The following TENM2 variants were observed in gnomAD, a reference collection of about 807,000 sequenced individuals.
TENM2 encodes teneurin transmembrane protein 2.
In TENM2, 52 loss-of-function variants were observed where a neutral mutation model predicts 245.2. That is an observed-to-expected ratio of 0.21 (90% CI 0.17 to 0.27). The LOEUF (loss-of-function observed/expected upper bound fraction) is 0.27, where lower values mean the gene tolerates loss of function less well. Among genes scored for constraint, TENM2 ranks in the 10% least tolerant of loss-of-function variants. TENM2 has a pLI of 1.00. For missense variants in TENM2, 3,046 were observed against 3,666.8 expected, an observed-to-expected ratio of 0.83 and a Z score of 4.37; for synonymous variants, 1,363 against 1,438.9, an observed-to-expected ratio of 0.95 and a Z score of 1.19.
chr5:167,642,155 A>AT (rs1491090022), intron 2 of TENM2, among the ~76,000 whole-genome samples: 22 of 150,028 alleles, frequency 1.5e-4, no homozygotes, highest in Middle Eastern at 3.4e-3. Flanking sequence ...AAAAAAAAAA[A>AT]ATATGTATAT....
chr5:167,847,801 A>C (rs1770185198), intron 2 of TENM2, among the ~76,000 whole-genome samples: 1 of 152,218 alleles, frequency 6.6e-6, no homozygotes, highest in South Asian at 2.1e-4. Context: ...TGGGCCAAAC[A>C]TATTAATCTG....
intron 2 of TENM2, among the ~76,000 whole-genome samples, chr5:167,715,257 G>A (rs564893535): frequency 7.0e-4 from 106 of 152,282 alleles, no homozygotes; most frequent in African/African-American, 2.3e-3. Flanking sequence ...TTTAAATTAT[G>A]TGTTAGGAGA....
At chr5:167,486,804 A>C (rs1768104482) in intron 2 of TENM2, among the ~76,000 whole-genome samples, 1 of 152,174 alleles carries the variant, frequency 6.6e-6, no homozygotes, top group African/African-American at 2.4e-5. Context: ...CCATCACTAC[A>C]TGCTTGCTCT....
intron 12 of TENM2, chr5:168,139,419 A>G: frequency 2.2e-6 from 1 of 453,362 alleles, no homozygotes; most frequent in Non-Finnish European, 4.4e-6. Flanking sequence ...GATGCTTATA[A>G]TCTAATTTAG....
intron 1 of TENM2, among the ~76,000 whole-genome samples, chr5:167,301,099 C>T (rs1755287583): frequency 1.3e-5 from 2 of 152,240 alleles, no homozygotes; most frequent in South Asian, 4.2e-4. Flanking sequence ...TTACCCGAAG[C>T]TCAGCATCCG....
intron 2 of TENM2, among the ~76,000 whole-genome samples, chr5:167,637,383 A>G (rs1779271581): frequency 6.6e-6 from 1 of 152,218 alleles, no homozygotes. Context: ...GAGGAATGAA[A>G]TGGGTATAGG....
At chr5:167,023,204 C>G in the TENM2 span, among the ~76,000 whole-genome samples, 2 of 152,224 alleles carry the variant, frequency 1.3e-5, no homozygotes, top group East Asian at 3.8e-4. Context: ...AACAGGAATA[C>G]TTGCATTCCC....
intron 25 of TENM2, among the ~76,000 whole-genome samples, chr5:168,237,327 T>A (rs1156484453): frequency 3.3e-5 from 5 of 151,838 alleles, no homozygotes; most frequent in Non-Finnish European, 7.4e-5. Context: ...CTAATCATAT[T>A]TTCTATTCCT....
rs185707716 is a variant in TENM2, at chr5:167,393,991, T to A, written c.502+18518T>A. Among the ~76,000 whole-genome samples, 49 of 152,342 alleles carry A rather than the reference T, an allele frequency of 3.2e-4. No homozygotes were observed. In the East Asian group the frequency reaches 5.4e-3, roughly 17 times the overall value. Reference sequence around the variant, plus strand: ...ATAAGGCTATATGGTTTTCTGATATTGAGTTGTAGGAGCTCCTTATATATT... The same window carrying A: ...ATAAGGCTATATGGTTTTCTGATATAGAGTTGTAGGAGCTCCTTATATATT... On this transcript the variant is annotated intron_variant, in intron 2 of 28. Coordinates refer to ENST00000518659, the Ensembl canonical transcript of TENM2.
the TENM2 span, among the ~76,000 whole-genome samples, chr5:167,059,494 C>T: frequency 6.6e-6 from 1 of 152,112 alleles, no homozygotes; most frequent in Non-Finnish European, 1.5e-5. Flanking sequence ...AATGAAAGAT[C>T]ATACTTTGTA....
At chr5:168,088,295 C>T (rs1320978593) in intron 7 of TENM2, 1 of 152,200 alleles carries the variant, frequency 6.6e-6, no homozygotes, top group Non-Finnish European at 1.5e-5. Flanking sequence ...TGCAGTTGGA[C>T]ATTTTCGAGG....
intron 2 of TENM2, among the ~76,000 whole-genome samples, chr5:167,606,350 C>T (rs1777043723): frequency 6.6e-6 from 1 of 151,352 alleles, no homozygotes; most frequent in South Asian, 2.1e-4. Context: ...CCTTGATTCT[C>T]AAATGGCAAG....
rs1191468205 is a variant in TENM2, at chr5:167,789,375, A to G, written c.503-86611A>G. On this transcript the variant is annotated intron_variant, in intron 2 of 28. Transcript: ENST00000518659. Reference sequence around the variant, plus strand: ...CAGTGGCTGCTTCACCCTCATCCCAATTGCTGGCCTATTTACAAAGTTAAA... The same window carrying G: ...CAGTGGCTGCTTCACCCTCATCCCAGTTGCTGGCCTATTTACAAAGTTAAA... Among the ~76,000 whole-genome samples, 3 of 152,230 alleles carry G rather than the reference A, an allele frequency of 2.0e-5. No individual in the cohort carries two copies. The East Asian group carries it at 5.8e-4, about 29-fold the overall frequency.
intron 2 of TENM2, among the ~76,000 whole-genome samples, chr5:167,774,612 C>A (rs976854431): frequency 6.6e-6 from 1 of 152,132 alleles, no homozygotes; most frequent in Non-Finnish European, 1.5e-5. Context: ...TACATGGATA[C>A]CCCTGGGTTG....
At chr5:168,090,822 C>A in intron 8 of TENM2, 53 bp downstream of exon 10, 1 of 1,474,916 alleles carries the variant, frequency 6.8e-7, no homozygotes, top group South Asian at 1.2e-5. Context: ...TGGAAATGTT[C>A]TGGGCTTCTC....
chr5:167,540,467 A>C (rs1772128985), intron 2 of TENM2, among the ~76,000 whole-genome samples: 1 of 152,240 alleles, frequency 6.6e-6, no homozygotes, highest in African/African-American at 2.4e-5. Flanking sequence ...ATTAAATTCA[A>C]ATTTCAGTGT....
the TENM2 span, among the ~76,000 whole-genome samples, chr5:167,158,378 T>C: frequency 6.6e-6 from 1 of 152,282 alleles, no homozygotes; most frequent in South Asian, 2.1e-4. Flanking sequence ...TTTTTATATC[T>C]TATATGATCT....
chr5:166,985,193 T>C, the TENM2 span, among the ~76,000 whole-genome samples: 1 of 152,132 alleles, frequency 6.6e-6, no homozygotes, highest in Admixed American at 6.6e-5. Context: ...TCCTCTTCCT[T>C]CCATTGTGTC....
chr5:168,227,599 A>G (rs1397897696), intron 24 of TENM2, among the ~76,000 whole-genome samples: 1 of 151,876 alleles, frequency 6.6e-6, no homozygotes, highest in Non-Finnish European at 1.5e-5. Flanking sequence ...TGTGTAGGCA[A>G]TAGACATCTT....
Sources: allele counts gnomAD v4.1 joint callset (sites outside exome capture counted in the v4.1 genomes callset), GRCh38; gene constraint gnomAD v4.1.1; transcripts MANE v1.5; gene names NCBI Gene and HGNC (gene_info 2026-07-23, HGNC 2026-07-21).